The following LOC112694756 variants were observed in gnomAD, a reference collection of about 807,000 sequenced individuals.
the LOC112694756 span, chr16:30,059,182 G>A: frequency 3.1e-4 from 122 of 389,868 alleles, 1 homozygote; most frequent in East Asian, 4.3e-3. Flanking sequence ...CCACTGCTGA[G>A]GGAAGAAGCT....
the LOC112694756 span, chr16:30,069,379 T>A: frequency 2.5e-6 from 4 of 1,614,150 alleles, no homozygotes; most frequent in Non-Finnish European, 3.4e-6. Context: ...TGCCAGTATG[T>A]GACCGAGAAG....
the LOC112694756 span, among the ~76,000 whole-genome samples, chr16:30,059,224 G>A: frequency 6.6e-6 from 1 of 152,094 alleles, no homozygotes; most frequent in African/African-American, 2.4e-5. Flanking sequence ...CAGGCCGGGT[G>A]CGGTGGCTCA....
the LOC112694756 span, chr16:30,070,236 C>G: frequency 6.2e-7 from 1 of 1,611,966 alleles, no homozygotes; most frequent in Non-Finnish European, 8.5e-7. Context: ...CAGGCTGCCC[C>G]CAACACTCCA....
chr16:30,067,497 G>A, the LOC112694756 span: 42 of 1,613,712 alleles, frequency 2.6e-5, no homozygotes, highest in Non-Finnish European at 3.4e-5. Flanking sequence ...GAACACCGAG[G>A]AGAACCGGCG....
chr16:30,070,281 GCCT>G, the LOC112694756 span: 8 of 1,487,796 alleles, frequency 5.4e-6, no homozygotes, highest in African/African-American at 1.4e-5. Flanking sequence ...AGAGGAGGCC[GCCT>G]CCTCGGGGCT....
chr16:30,067,111 G>A, the LOC112694756 span: 1 of 1,571,716 alleles, frequency 6.4e-7, no homozygotes, highest in Non-Finnish European at 8.6e-7. Flanking sequence ...CCCAGGGCCT[G>A]CTGGGTGTGG....
chr16:30,064,428 C>T, the LOC112694756 span: 2 of 398,734 alleles, frequency 5.0e-6, no homozygotes, highest in Non-Finnish European at 8.8e-6. Context: ...CCACAGGTCC[C>T]TGGCCAAAGA....
chr16:30,066,648 A>G, the LOC112694756 span, among the ~76,000 whole-genome samples: 2 of 151,718 alleles, frequency 1.3e-5, no homozygotes, highest in Non-Finnish European at 2.9e-5. Flanking sequence ...TGACCTTGGG[A>G]TGTCCTTGAA....
At chr16:30,070,186 C>G in the LOC112694756 span, 2 of 1,614,146 alleles carry the variant, frequency 1.2e-6, no homozygotes. Flanking sequence ...CAGCGAGTCC[C>G]TCTTCGTCTC....
the LOC112694756 span, chr16:30,064,845 C>T: frequency 9.2e-6 from 2 of 217,426 alleles, no homozygotes; most frequent in Admixed American, 1.2e-4. Context: ...CCAACAGGGT[C>T]CAGATGGGGT....
chr16:30,066,246 TG>T, the LOC112694756 span: 1 of 151,866 alleles, frequency 6.6e-6, no homozygotes, highest in East Asian at 1.9e-4. Flanking sequence ...CAGTGAGGGG[TG>T]GGGGCCGGCC....
chr16:30,067,756 C>T, the LOC112694756 span: 4 of 1,454,878 alleles, frequency 2.7e-6, no homozygotes, highest in Admixed American at 5.1e-5. Flanking sequence ...GATTGGTGGC[C>T]TAGAGACTTG....
chr16:30,061,166 G>A, the LOC112694756 span, among the ~76,000 whole-genome samples: 1 of 152,238 alleles, frequency 6.6e-6, no homozygotes, highest in Non-Finnish European at 1.5e-5. Context: ...CCTGTCCCAG[G>A]GGAGGACAGC....
the LOC112694756 span, chr16:30,067,060 A>C: frequency 2.5e-6 from 4 of 1,575,512 alleles, no homozygotes; most frequent in African/African-American, 5.4e-5. Context: ...GGCCTAGCAA[A>C]GGGAAGTTGG....
chr16:30,061,273 A>C, the LOC112694756 span, among the ~76,000 whole-genome samples: 7 of 152,266 alleles, frequency 4.6e-5, no homozygotes, highest in African/African-American at 1.7e-4. Flanking sequence ...GGAGCTGAGA[A>C]GCCCTCTTCT....
At chr16:30,069,788 G>C in the LOC112694756 span, 1 of 1,613,460 alleles carries the variant, frequency 6.2e-7, no homozygotes, top group Non-Finnish European at 8.5e-7. Flanking sequence ...AGCTTCCTGG[G>C]TCTCTGACCA....
the LOC112694756 span, chr16:30,067,554 T>C: frequency 6.2e-7 from 1 of 1,613,708 alleles, no homozygotes; most frequent in South Asian, 1.1e-5. Flanking sequence ...CGTGAACCCC[T>C]GCATTGGGGG....
chr16:30,055,146 T>G, the LOC112694756 span: 1 of 399,088 alleles, frequency 2.5e-6, no homozygotes, highest in Non-Finnish European at 4.4e-6. Flanking sequence ...TGCTGCCTAT[T>G]CCACATCCTG....
At chr16:30,061,702 G>A in the LOC112694756 span, among the ~76,000 whole-genome samples, 3 of 151,440 alleles carry the variant, frequency 2.0e-5, no homozygotes, top group African/African-American at 7.3e-5. Context: ...TAGGATTACA[G>A]GTGCACCCCA....
Sources: gnomAD v4.1 joint callset for allele counts (sites outside exome capture counted in the v4.1 genomes callset) on GRCh38, gnomAD v4.1.1 for gene constraint, MANE v1.5 for transcripts.